Variants in POP1 observed in about 807,000 individuals in gnomAD.
The protein encoded by POP1 is POP1 ribonuclease P/MRP subunit.
A neutral mutation model predicts 102.2 loss-of-function variants in POP1; 75 were observed. That is an observed-to-expected ratio of 0.73 (90% CI 0.61 to 0.89). POP1 has a LOEUF of 0.89. Ranked by LOEUF, POP1 falls within the 40% of genes least tolerant of loss-of-function variation. The pLI, the probability that POP1 is intolerant of heterozygous loss-of-function variation, is 0.00. For missense variants in POP1, 1,116 were observed against 1,267.4 expected, an observed-to-expected ratio of 0.88 and a Z score of 1.81; for synonymous variants, 436 against 464.1, an observed-to-expected ratio of 0.94 and a Z score of 0.78.
chr8:98,151,034 A>G (rs1170321649), intron 14 of POP1, among the ~76,000 whole-genome samples: 1 of 152,232 alleles, frequency 6.6e-6, no homozygotes, highest in East Asian at 1.9e-4. Context: ...CTATGAAAAT[A>G]TATAAAAAGA....
chr8:98,141,443 T>C (rs1475651744), intron 11 of POP1, among the ~76,000 whole-genome samples: 1 of 152,200 alleles, frequency 6.6e-6, no homozygotes, highest in East Asian at 1.9e-4. Flanking sequence ...GGCAGCAATT[T>C]TGATAATGTC....
At position 98,127,731 on chromosome 8, in the gene POP1, C is replaced by T; in HGVS notation, c.279C>T (p.Gly93=). The change falls in exon 3 of 16, where the codon GGC becomes GGT. Residue 93 remains glycine (G), a synonymous_variant. Transcript: ENST00000401707. ...GAGGATGGAAAGCAGGTCCCGAGGG[C>T]ACGTCTCAGGAGATCCCCAAGTATA... ...KKGGWKAGPE[G]TSQEIPKYIT... is the part of the protein sequence containing the mutation. 1 of 1,614,076 alleles carries T rather than the reference C, an allele frequency of 6.2e-7. No homozygotes were observed. Among genetic ancestry groups the T allele is most frequent in the Non-Finnish European group, 8.5e-7 (1 of 1,179,962 alleles).
intron 11 of POP1, among the ~76,000 whole-genome samples, chr8:98,142,280 C>T (rs530257198): frequency 7.9e-4 from 121 of 152,204 alleles, no homozygotes; most frequent in African/African-American, 2.6e-3. Context: ...TTTAATTTGA[C>T]GCCTGAAGTC....
intron 14 of POP1, among the ~76,000 whole-genome samples, chr8:98,151,618 G>T (rs762866752): frequency 5.9e-5 from 9 of 151,954 alleles, no homozygotes; most frequent in Non-Finnish European, 1.3e-4. Flanking sequence ...TTTATTTGTT[G>T]TCTGATGAAT....
intron 5 of POP1, among the ~76,000 whole-genome samples, chr8:98,133,603 C>T (rs1816444198): frequency 1.3e-5 from 2 of 152,130 alleles, no homozygotes; most frequent in South Asian, 4.1e-4. Context: ...TTAGAGGCAA[C>T]AGTTATGTAC....
At chr8:98,137,264 C>G (rs1186105782) in intron 9 of POP1, among the ~76,000 whole-genome samples, 5 of 151,264 alleles carry the variant, frequency 3.3e-5, no homozygotes, top group African/African-American at 9.7e-5. Context: ...AAATTGTGTG[C>G]CAGATTTTGT....
intron 5 of POP1, among the ~76,000 whole-genome samples, chr8:98,133,701 C>A (rs185633357): frequency 1.3e-5 from 2 of 152,264 alleles, no homozygotes; most frequent in East Asian, 3.9e-4. Context: ...AATGGAGATT[C>A]ATTTTTATTT....
chr8:98,140,605 A>T (rs1471542954), intron 10 of POP1, among the ~76,000 whole-genome samples, 164 bp from the exon 11 acceptor site: 1 of 152,202 alleles, frequency 6.6e-6, no homozygotes, highest in Non-Finnish European at 1.5e-5. Context: ...ATGAATGTTA[A>T]CTTATTCTCT....
intron 14 of POP1, among the ~76,000 whole-genome samples, chr8:98,151,357 A>G (rs1716447956): frequency 6.6e-6 from 1 of 152,260 alleles, no homozygotes; most frequent in South Asian, 2.1e-4. Context: ...CCAGGATTAT[A>G]GGTGTGAGCC....
At position 98,157,854 on chromosome 8, in the gene POP1, C is replaced by A; in HGVS notation, c.2658C>A (p.Leu886=). 1 of 1,614,174 alleles carries A rather than the reference C, an allele frequency of 6.2e-7. No homozygotes were observed. Among genetic ancestry groups the A allele is most frequent in the Non-Finnish European group, 8.5e-7 (1 of 1,179,980 alleles). ...CAGCCAAGGAGGACTTCCTCCAGCT[C>A]CATGAGGACTGGCATTACTGTGGGC... ...CVPAKEDFLQ[L]HEDWHYCGPQ... Residue 886 remains leucine, a synonymous_variant, in exon 16 of 16, where the codon CTC becomes CTA. Coordinates refer to ENST00000401707, the MANE Select transcript of POP1 (RefSeq NM_001145860.2).
At chr8:98,121,907 G>A (rs529597295) in intron 1 of POP1, among the ~76,000 whole-genome samples, 10 of 151,966 alleles carry the variant, frequency 6.6e-5, no homozygotes, top group East Asian at 5.8e-4. Context: ...AGATGGTCTC[G>A]ATCTCCTGAC....
chr8:98,152,735 T>C (rs965169939), intron 14 of POP1, among the ~76,000 whole-genome samples: 1 of 152,274 alleles, frequency 6.6e-6, no homozygotes, highest in Non-Finnish European at 1.5e-5. Context: ...AATGCTCACA[T>C]GCAATTGCAG....
chr8:98,121,549 C>G (rs987231733), intron 1 of POP1, among the ~76,000 whole-genome samples: 25 of 136,542 alleles, frequency 1.8e-4, no homozygotes, highest in Admixed American at 1.6e-4. Flanking sequence ...GAGACTTGCT[C>G]TATTGCCCAA....
chr8:98,146,668 T>C lies in POP1; in HGVS notation c.1695T>C (p.Asn565=). Residue 565 remains asparagine, a synonymous_variant, in exon 12 of 16, where the codon AAT becomes AAC. Coordinates refer to ENST00000401707, the MANE Select transcript of POP1 (RefSeq NM_001145860.2). ...ATATCTGTAAGAGTGTCACAGAGAA[T>C]AAAATCTCGGATCAGGTAACTAATA... ...NQDICKSVTE[N]KISDQDLNRM... 2.5e-6 allele frequency: 4 copies of C among 1,610,512 alleles called. No individual in the cohort carries two copies. The highest frequency in any genetic ancestry group is 3.4e-6 in the Non-Finnish European group (4 of 1,176,736).
intron 12 of POP1, among the ~76,000 whole-genome samples, chr8:98,148,311 C>T (rs1486819115): frequency 6.6e-6 from 1 of 152,156 alleles, no homozygotes; most frequent in Non-Finnish European, 1.5e-5. Flanking sequence ...CTTTTTACAG[C>T]TCCAAGAAAA....
In POP1 at chr8:98,146,577, AAGTT is replaced by A; in HGVS notation, c.1607_1610del (p.Val536AspfsTer36). 1 of 1,613,308 alleles carries A rather than the reference AAGTT, an allele frequency of 6.2e-7. No individual in the cohort carries two copies. The highest frequency in any genetic ancestry group is 1.7e-5 in the Admixed American group (1 of 60,024). ...TTCTTTTCCCTCTTAGATAATGAGA[AAGTT>A]AGACAGCTGCTTCTGGAGGGTGTGC... On this transcript the variant is annotated frameshift_variant, in exon 12 of 16. Transcript: ENST00000401707. LOFTEE classifies it high-confidence loss of function.
intron 12 of POP1, among the ~76,000 whole-genome samples, chr8:98,147,656 G>A (rs879519013): frequency 8.5e-5 from 13 of 152,098 alleles, no homozygotes; most frequent in Admixed American, 4.6e-4. Flanking sequence ...AAATATTCTA[G>A]GTATGACATA....
intron 12 of POP1, 119 bp downstream of exon 12, chr8:98,146,802 C>A: frequency 1.3e-6 from 1 of 796,322 alleles, no homozygotes; most frequent in Non-Finnish European, 2.1e-6. Flanking sequence ...CTTTTGTTTT[C>A]AAACAAGTTG....
Position 98,157,801 on chromosome 8 carries a change from C to T in POP1, c.2605C>T (p.Pro869Ser). The T allele has an allele frequency of 6.2e-7, 1 of 1,614,196 alleles. No homozygotes were observed. Among genetic ancestry groups the T allele is most frequent in the East Asian group, 2.2e-5 (1 of 44,880 alleles). The change falls in exon 16 of 16, where the codon CCC becomes TCC. Residue 869 changes from proline to serine, a missense_variant. Pro to Ser is a moderately conservative substitution (Grantham distance 74). Coordinates refer to ENST00000401707, the MANE Select transcript of POP1 (RefSeq NM_001145860.2). ...CCTGTCCCTGCTCAGCAAGGGCAGC[C>T]CCGAGCCTCACACCATGATCTGTGT... is the stretch of plus-strand genomic sequence containing the variant. ...VSLSLLSKGS[P>S]EPHTMICVPA... is the part of the protein sequence containing the mutation.
Sources: gnomAD v4.1 joint callset for allele counts (sites outside exome capture counted in the v4.1 genomes callset) on GRCh38, gnomAD v4.1.1 for gene constraint, MANE v1.5 for transcripts, NCBI Gene and HGNC (gene_info 2026-07-23, HGNC 2026-07-21) for gene names.